The following WASHC2C variants were observed in gnomAD, a reference collection of about 807,000 sequenced individuals.
WASHC2C encodes the protein Vaccinia Penetration Factor.
A neutral mutation model predicts 142.2 loss-of-function variants in WASHC2C; 73 were observed. The ratio of observed to expected loss-of-function variants is 0.51; its 90% CI spans 0.43 to 0.62. The LOEUF (loss-of-function observed/expected upper bound fraction) is 0.62. WASHC2C is among the 20% of genes least tolerant of loss of function. The pLI is 0.00. For synonymous variants in WASHC2C, 337 were observed against 565.5 expected (o/e 0.60, Z 5.73); for missense variants, 969 against 1,531.7 (o/e 0.63, Z 6.13).
intron 23 of WASHC2C, among the ~76,000 whole-genome samples, chr10:45,779,393 T>G (rs2057328352): frequency 6.6e-6 from 1 of 150,812 alleles, no homozygotes; most frequent in African/African-American, 2.4e-5. Flanking sequence ...CTAGCAAAAC[T>G]TTGCCCCTTG....
intron 23 of WASHC2C, among the ~76,000 whole-genome samples, chr10:45,783,371 A>T (rs1309629248): frequency 1.3e-5 from 2 of 151,946 alleles, no homozygotes; most frequent in Non-Finnish European, 2.9e-5. Flanking sequence ...GCTGTGTTAA[A>T]CTCATTTTTA....
intron 3 of WASHC2C, among the ~76,000 whole-genome samples, chr10:45,734,098 G>A (rs1403652710): frequency 1.3e-5 from 2 of 152,114 alleles, no homozygotes; most frequent in South Asian, 2.1e-4. Context: ...GGTGGCAGGC[G>A]CCTGTAGTCC....
At chr10:45,790,978 G>T (rs1483823988) in intron 30 of WASHC2C, among the ~76,000 whole-genome samples, 124 of 152,124 alleles carry the variant, frequency 8.2e-4, no homozygotes, top group Admixed American at 2.9e-3. Flanking sequence ...CTAGACCTGG[G>T]TGTAGGCTCT....
At chr10:45,772,624 G>T (rs1281661618) in intron 20 of WASHC2C, among the ~76,000 whole-genome samples, 5 of 152,194 alleles carry the variant, frequency 3.3e-5, no homozygotes, top group Admixed American at 3.3e-4. Flanking sequence ...GGCTAAGGCA[G>T]GAGATCACTT....
intron 17 of WASHC2C, among the ~76,000 whole-genome samples, chr10:45,763,014 C>A (rs1474024713): frequency 1.3e-5 from 2 of 152,052 alleles, no homozygotes; most frequent in African/African-American, 2.4e-5. Context: ...TCTTTATTGA[C>A]CCTGTCTAAT....
At chr10:45,744,784 A>C (rs2052604874) in intron 6 of WASHC2C, 37 bp from the exon 7 acceptor site, 1 of 551,398 alleles carries the variant, frequency 1.8e-6, no homozygotes. Flanking sequence ...TTTCTTGTGA[A>C]TATTGGTGTG....
rs782673242 is a variant in WASHC2C at position 45,752,721 on chromosome 10, C to A, written c.1122+15C>A. On this transcript the variant is annotated intron_variant, in intron 12 of 30. Transcript: ENST00000623400. ...AGGACGAGGAGGTGAGTCCATGGCA[C>A]CCAGCAACACTCCCTGCAGCTAGCT... The A allele has an allele frequency of 1.2e-6, 2 of 1,606,190 alleles. No individual in the cohort carries two copies. The highest frequency in any genetic ancestry group is 2.2e-5 in the South Asian group (2 of 90,840).
chr10:45,729,155 C>A lies in WASHC2C; in HGVS notation c.291+129C>A, dbSNP rs183702627. 2.4e-3 allele frequency: 2,680 copies of A among 1,110,792 alleles called. 7 individuals are homozygous for A. The highest frequency in any genetic ancestry group is 2.6e-3 in the Non-Finnish European group (2,099 of 808,714). 68.8% of individuals were successfully genotyped at this position (1,110,792 alleles called of 1,614,324 possible). The stretch of plus-strand genomic sequence containing the variant: ...GGTTCTTGGTAATTGTAGCTTTTTT[C>A]TCTGGGATTAACGCCTCTTTTTTAT... On this transcript the variant is annotated intron_variant, in intron 3 of 30. Transcript: ENST00000623400.
chr10:45,727,475 G>A lies in WASHC2C; in HGVS notation c.62G>A (p.Arg21Gln). Residue 21 changes from arginine (R) to glutamine (Q), a missense_variant, in exon 2 of 31, where the codon CGG (arginine) becomes CAG (glutamine). By Grantham distance (43) the Arg-to-Gln change is conservative (BLOSUM62 1). Transcript: ENST00000623400. ...CCGGCGTCGGAGCCCGTGTGGGAGC[G>A]GCCGTGGTCGGTGGAGGAGATCCGC... ...LVPASEPVWE[R>Q]PWSVEEIRRS... 1.9e-6 allele frequency: 3 copies of A among 1,608,944 alleles called. No homozygotes were observed. The highest frequency in any genetic ancestry group is 2.2e-5 in the South Asian group (2 of 90,694).
At chr10:45,772,533 T>C (rs1554885036) in intron 20 of WASHC2C, among the ~76,000 whole-genome samples, 2 of 151,528 alleles carry the variant, frequency 1.3e-5, no homozygotes, top group Admixed American at 6.6e-5. Context: ...CTGAGCAACA[T>C]AGAGCGACCT....
At position 45,760,817 on chromosome 10, in the gene WASHC2C, T is replaced by C. The variant is rs544906877; in HGVS notation, c.1635+1416T>C. On this transcript the variant is annotated intron_variant, in intron 17 of 30. Transcript: ENST00000623400. ...CCACAGCACGTGTTGCCAGGGACAG[T>C]GTATATTTGCTTATTCATTGTCTCT... Among the ~76,000 whole-genome samples the C allele has an allele frequency of 9.5e-5, 14 of 146,602 alleles. No individual in the cohort carries two copies. The East Asian group carries it at 2.5e-3, about 26-fold the overall frequency.
intron 9 of WASHC2C, among the ~76,000 whole-genome samples, chr10:45,750,467 C>T (rs2053449136): frequency 6.6e-6 from 1 of 152,126 alleles, no homozygotes; most frequent in Admixed American, 6.6e-5. Flanking sequence ...GTCTCTCCAC[C>T]CATTCACCTT....
intron 30 of WASHC2C, among the ~76,000 whole-genome samples, chr10:45,791,575 C>T (rs1309423647): frequency 4.1e-5 from 6 of 145,902 alleles, no homozygotes; most frequent in Non-Finnish European, 7.6e-5. Context: ...GTGCTGTGCA[C>T]GATTTCTTTA....
chr10:45,791,269 A>G (rs1267514297), intron 30 of WASHC2C, among the ~76,000 whole-genome samples: 1 of 152,242 alleles, frequency 6.6e-6, no homozygotes, highest in Admixed American at 6.5e-5. Flanking sequence ...GCTTCCCACC[A>G]CATGGAATGC....
intron 23 of WASHC2C, among the ~76,000 whole-genome samples, chr10:45,784,270 A>ATATATATATATGTG (rs2057793187): frequency 1.7e-4 from 1 of 5,756 alleles, no homozygotes; most frequent in Non-Finnish European, 5.5e-4. Flanking sequence ...ATATATATAT[A>ATATATATATATGTG]TATATATATA....
Position 45,755,035 on chromosome 10 carries a change from C to T in WASHC2C, c.1340C>T (p.Pro447Leu). Residue 447 changes from proline (P) to leucine (L), a missense_variant, in exon 15 of 31, where the codon CCC (proline) becomes CTC (leucine). By Grantham distance (98) the Pro-to-Leu change is moderately conservative. Transcript: ENST00000623400. ...AGGAAAAGCCCCTATGGTCCCCCTCCCACTGGCCTCTTTGATGATGATGAT... is the reference window on the plus strand; with the variant it reads ...AGGAAAAGCCCCTATGGTCCCCCTCTCACTGGCCTCTTTGATGATGATGAT... Reference protein sequence around the residue: ...TPRKSPYGPPPTGLFDDDDGD... With the variant: ...TPRKSPYGPPLTGLFDDDDGD... 1 of 1,611,894 alleles carries T rather than the reference C, an allele frequency of 6.2e-7. No individual in the cohort carries two copies. Among genetic ancestry groups the T allele is most frequent in the South Asian group, 1.1e-5 (1 of 90,986 alleles).
intron 19 of WASHC2C, among the ~76,000 whole-genome samples, chr10:45,766,930 G>A (rs1266716951): frequency 2.0e-5 from 3 of 152,042 alleles, no homozygotes; most frequent in African/African-American, 7.3e-5. Flanking sequence ...CTTACTGAAA[G>A]CAATTTAAAA....
intron 17 of WASHC2C, among the ~76,000 whole-genome samples, chr10:45,761,136 G>A (rs1554879788): frequency 6.6e-6 from 1 of 151,568 alleles, no homozygotes; most frequent in African/African-American, 2.4e-5. Flanking sequence ...AGGGTCTCTT[G>A]TGTCTGAAGG....
In WASHC2C at chr10:45,753,266, C is replaced by T. The variant is rs1335651139; in HGVS notation, c.1180+29C>T. 4.9e-6 allele frequency: 6 copies of T among 1,214,810 alleles called. 2 individuals are homozygous for T. The African/African-American group carries it at 6.2e-5, about 13-fold the overall frequency. The allele number at this position is 1,214,810 out of a possible 1,614,324, so 75.3% of individuals were successfully genotyped here. A position where few individuals can be genotyped will look rare whatever the true frequency, so the allele number is the denominator to read the frequency against. ...AGCTGGGGCTGGGCAGCTGCGTCTCCGTGTGCAGAGTTCCAAAACTGTCTT... is the reference window on the plus strand; with the variant it reads ...AGCTGGGGCTGGGCAGCTGCGTCTCTGTGTGCAGAGTTCCAAAACTGTCTT... On this transcript the variant is annotated intron_variant, in intron 13 of 30. Transcript: ENST00000623400.
Sources: allele counts gnomAD v4.1 joint callset (sites outside exome capture counted in the v4.1 genomes callset), GRCh38; gene constraint gnomAD v4.1.1; transcripts MANE v1.5; gene names NCBI Gene and HGNC (gene_info 2026-07-23, HGNC 2026-07-21).